Variants in ZFAT observed in about 807,000 individuals in gnomAD.
ZFAT encodes zinc finger and AT-hook domain containing.
Under a neutral mutation model 117.7 loss-of-function variants are expected in ZFAT, and 64 were observed. The observed-to-expected ratio is 0.54, with a 90% confidence interval of 0.44 to 0.67. The LOEUF (loss-of-function observed/expected upper bound fraction) is 0.67. Among genes scored for constraint, ZFAT ranks in the 30% least tolerant of loss-of-function variants. The pLI is 0.00. For synonymous variants in ZFAT, 679 were observed against 615.0 expected, an observed-to-expected ratio of 1.10 and a Z score of -1.54; for missense variants, 1,433 against 1,584.5, an observed-to-expected ratio of 0.90 and a Z score of 1.62.
chr8:134,518,100 G>A (rs550290972), intron 13 of ZFAT, among the ~76,000 whole-genome samples: 2 of 152,186 alleles, frequency 1.3e-5, no homozygotes, highest in Middle Eastern at 3.4e-3. Context: ...ACTCATTAAC[G>A]GATCTCATCT....
the ZFAT span, among the ~76,000 whole-genome samples, chr8:134,822,122 T>C: frequency 3.3e-5 from 5 of 152,098 alleles, no homozygotes; most frequent in East Asian, 5.8e-4. Flanking sequence ...TCAGGGGAAA[T>C]GCAAAACCTA....
At chr8:134,486,958 C>T (rs1817698659) in intron 15 of ZFAT, among the ~76,000 whole-genome samples, 1 of 152,090 alleles carries the variant, frequency 6.6e-6, no homozygotes, top group Admixed American at 6.5e-5. Flanking sequence ...ATGTGTATAT[C>T]TGTATGTACA....
chr8:134,550,055 C>G (rs766048175), intron 11 of ZFAT, among the ~76,000 whole-genome samples: 10 of 152,024 alleles, frequency 6.6e-5, no homozygotes, highest in Non-Finnish European at 1.2e-4. Flanking sequence ...TACGGGATAT[C>G]AGGTGAATGA....
At chr8:134,684,651 A>T (rs1340554164) in intron 1 of ZFAT, among the ~76,000 whole-genome samples, 1 of 152,220 alleles carries the variant, frequency 6.6e-6, no homozygotes, top group African/African-American at 2.4e-5. Context: ...TAATAAAGGT[A>T]TGTTTGATTG....
intron 15 of ZFAT, among the ~76,000 whole-genome samples, chr8:134,499,946 G>A (rs1324577361): frequency 6.6e-6 from 1 of 152,220 alleles, no homozygotes; most frequent in African/African-American, 2.4e-5. Context: ...GACACTAAGA[G>A]TTCTTGTTTC....
chr8:134,757,150 G>A, the ZFAT span, among the ~76,000 whole-genome samples: 1 of 151,360 alleles, frequency 6.6e-6, no homozygotes, highest in African/African-American at 2.4e-5. Flanking sequence ...CCAAGTAGCT[G>A]GGACTACAGG....
At chr8:134,693,626 C>T (rs1292199079) in intron 1 of ZFAT, among the ~76,000 whole-genome samples, 2 of 73,172 alleles carry the variant, frequency 2.7e-5, no homozygotes, top group African/African-American at 5.6e-5. Context: ...TAAAACGGGG[C>T]GCGGGGGGTG....
chr8:134,537,320 G>A (rs1350503261), intron 11 of ZFAT, among the ~76,000 whole-genome samples: 1 of 152,234 alleles, frequency 6.6e-6, no homozygotes, highest in Non-Finnish European at 1.5e-5. Context: ...GTAAAGAGAT[G>A]ATTTGGTTTT....
At chr8:134,549,299 G>C (rs1822950596) in intron 11 of ZFAT, among the ~76,000 whole-genome samples, 1 of 152,144 alleles carries the variant, frequency 6.6e-6, no homozygotes. Context: ...AAATTAGCCA[G>C]GCGTGGGGGC....
chr8:134,806,727 A>G, the ZFAT span, among the ~76,000 whole-genome samples: 12 of 152,220 alleles, frequency 7.9e-5, no homozygotes, highest in African/African-American at 2.9e-4. Flanking sequence ...GTTATGAAGG[A>G]ATTTTGTCAA....
At chr8:134,579,514 A>G (rs536315044) in intron 10 of ZFAT, among the ~76,000 whole-genome samples, 1 of 152,264 alleles carries the variant, frequency 6.6e-6, no homozygotes, top group South Asian at 2.1e-4. Context: ...TGATTCAATT[A>G]TCTCCCACTG....
chr8:134,483,639 C>G (rs536787937), intron 15 of ZFAT, among the ~76,000 whole-genome samples: 1 of 152,312 alleles, frequency 6.6e-6, no homozygotes, highest in Non-Finnish European at 1.5e-5. Flanking sequence ...AATGCCGTAT[C>G]TAACACATCT....
At chr8:134,799,311 C>G in the ZFAT span, among the ~76,000 whole-genome samples, 4 of 152,106 alleles carry the variant, frequency 2.6e-5, no homozygotes, top group Non-Finnish European at 5.9e-5. Flanking sequence ...ACTTGCCAAG[C>G]TGCTAGGATG....
At chr8:134,665,558 C>T (rs771714197) in intron 1 of ZFAT, among the ~76,000 whole-genome samples, 1 of 152,204 alleles carries the variant, frequency 6.6e-6, no homozygotes, top group Non-Finnish European at 1.5e-5. Context: ...CTTACACTGG[C>T]TTTTAATATT....
intron 10 of ZFAT, among the ~76,000 whole-genome samples, chr8:134,578,146 G>A (rs371466307): frequency 1.1e-4 from 16 of 152,176 alleles, no homozygotes; most frequent in African/African-American, 2.6e-4. Flanking sequence ...TGGGCATGGC[G>A]GCTCACATGT....
chr8:134,492,920 A>G (rs559523331), intron 15 of ZFAT, among the ~76,000 whole-genome samples: 3 of 152,350 alleles, frequency 2.0e-5, no homozygotes, highest in Non-Finnish European at 4.4e-5. Flanking sequence ...AAGCCATTCC[A>G]TACATCAACG....
intron 7 of ZFAT, among the ~76,000 whole-genome samples, chr8:134,590,916 C>A (rs184460876): frequency 1.3e-5 from 2 of 152,216 alleles, no homozygotes; most frequent in Non-Finnish European, 2.9e-5. Context: ...TACATCCTTC[C>A]AAGCACATAC....
At chr8:134,542,769 G>C (rs909787959) in intron 11 of ZFAT, among the ~76,000 whole-genome samples, 2 of 152,058 alleles carry the variant, frequency 1.3e-5, no homozygotes, top group Non-Finnish European at 2.9e-5. Context: ...GTGAGGGCAG[G>C]GGGGCAGGGG....
intron 1 of ZFAT, among the ~76,000 whole-genome samples, chr8:134,688,314 T>C (rs7844173): frequency 0.91 from 138,039 of 152,192 alleles, 62,880 homozygotes; most frequent in African/African-American, 0.97. Context: ...ATAAAACATA[T>C]ACATGCGCAC....
Sources: allele counts gnomAD v4.1 joint callset (sites outside exome capture counted in the v4.1 genomes callset), GRCh38; gene constraint gnomAD v4.1.1; transcripts MANE v1.5; gene names NCBI Gene and HGNC (gene_info 2026-07-23, HGNC 2026-07-21).